The following EPB41L4B variants were observed in gnomAD, a reference collection of about 807,000 sequenced individuals.
EPB41L4B encodes the protein erythrocyte membrane protein band 4.1 like 4B.
Under a neutral mutation model 112.5 loss-of-function variants are expected in EPB41L4B, and 30 were observed. That is an observed-to-expected ratio of 0.27 (90% CI 0.20 to 0.36). The LOEUF is 0.36. EPB41L4B is among the 10% of genes least tolerant of loss of function. The pLI is 1.00. For synonymous variants in EPB41L4B, 408 were observed against 439.7 expected (o/e 0.93, Z 0.90); for missense variants, 1,024 against 1,133.3 (o/e 0.90, Z 1.38).
intron 24 of EPB41L4B, among the ~76,000 whole-genome samples, chr9:109,177,286 A>C (rs1218602180): frequency 6.6e-6 from 1 of 152,082 alleles, no homozygotes; most frequent in Non-Finnish European, 1.5e-5. Flanking sequence ...AACTTGGTAA[A>C]AATGCAAATT....
chr9:109,298,241 A>C (rs745978462), intron 1 of EPB41L4B, among the ~76,000 whole-genome samples: 6 of 152,044 alleles, frequency 3.9e-5, no homozygotes, highest in Non-Finnish European at 8.8e-5. Flanking sequence ...AATCTTGACT[A>C]TAAGTTCACC....
Position 109,178,902 on chromosome 9 carries a change from T to TAAAAAAAAAAAAAAAAAA in EPB41L4B, c.2488-2207_2488-2206insTTTTTTTTTTTTTTTTTT, listed in dbSNP as rs10625718. ...GTTCTTGATTGCCATATACTTCAAGTAAAAAAAAAAAAAAAAAGCCAGTTT... is the reference window on the plus strand; with the variant it reads ...GTTCTTGATTGCCATATACTTCAAGTAAAAAAAAAAAAAAAAAAAAAAAAAAAAAAAAAAAGCCAGTTT... On this transcript the variant is annotated intron_variant, in intron 24 of 25. Transcript: ENST00000374566. Among the ~76,000 whole-genome samples, 3 of 105,134 alleles carry TAAAAAAAAAAAAAAAAAA rather than the reference T, an allele frequency of 2.9e-5. 1 individual carries two copies. The highest frequency in any genetic ancestry group is 1.1e-4 in the Admixed American group (1 of 8,706). The allele number at this position is 105,134 out of a possible 152,430, so 69.0% of individuals were successfully genotyped here. A position where few individuals can be genotyped will look rare whatever the true frequency, so the allele number is the denominator to read the frequency against.
chr9:109,232,312 T>C (rs917481924), intron 15 of EPB41L4B, among the ~76,000 whole-genome samples: 1 of 132,396 alleles, frequency 7.6e-6, no homozygotes, highest in African/African-American at 3.7e-5. Context: ...TTCTTACAGA[T>C]TTTTTTTTTT....
intron 1 of EPB41L4B, among the ~76,000 whole-genome samples, chr9:109,304,991 A>G (rs1298926559): frequency 6.6e-6 from 1 of 152,090 alleles, no homozygotes; most frequent in Non-Finnish European, 1.5e-5. Flanking sequence ...AGCGTACTAA[A>G]TGTCACTAAT....
chr9:109,255,355 A>G (rs1196767547), intron 11 of EPB41L4B, among the ~76,000 whole-genome samples, 156 bp downstream of exon 11: 4 of 152,242 alleles, frequency 2.6e-5, no homozygotes, highest in African/African-American at 7.2e-5. Flanking sequence ...GGTGGGGGTC[A>G]AAAGAGCTTC....
chr9:109,315,976 C>T (rs775915851), intron 1 of EPB41L4B, among the ~76,000 whole-genome samples: 59 of 151,946 alleles, frequency 3.9e-4, no homozygotes, highest in Non-Finnish European at 6.3e-4. Context: ...TCAAATCTTT[C>T]CAAAGTTCAA....
intron 22 of EPB41L4B, among the ~76,000 whole-genome samples, chr9:109,187,303 T>C (rs1287608791): frequency 2.6e-5 from 4 of 152,162 alleles, no homozygotes; most frequent in Admixed American, 6.5e-5. Context: ...CTCTTTACAA[T>C]TGTGCAGTCC....
intron 20 of EPB41L4B, among the ~76,000 whole-genome samples, chr9:109,199,645 C>T (rs1307492344): frequency 1.3e-5 from 2 of 152,070 alleles, no homozygotes; most frequent in Non-Finnish European, 1.5e-5. Context: ...CCAGCCTGAG[C>T]GACAGAGCAA....
chr9:109,246,654 T>A (rs1414717631), intron 14 of EPB41L4B, among the ~76,000 whole-genome samples: 1 of 152,222 alleles, frequency 6.6e-6, no homozygotes, highest in Non-Finnish European at 1.5e-5. Context: ...GGTACAAGGC[T>A]GTGAATGGCC....
chr9:109,246,642 G>T (rs771219123), intron 14 of EPB41L4B, among the ~76,000 whole-genome samples: 2 of 152,236 alleles, frequency 1.3e-5, no homozygotes, highest in Non-Finnish European at 2.9e-5. Flanking sequence ...TTGGAACCAG[G>T]TGGTACAAGG....
At chr9:109,217,954 G>A (rs4483229) in intron 15 of EPB41L4B, among the ~76,000 whole-genome samples, 21,564 of 150,798 alleles carry the variant, frequency 0.14, 1,842 homozygotes, top group South Asian at 0.34. Flanking sequence ...TTTGAAGGCC[G>A]TGTCATCTCC....
chr9:109,247,757 T>G lies in EPB41L4B; in HGVS notation c.1343A>C (p.Gln448Pro). The stretch of plus-strand genomic sequence containing the variant: ...AAACCTTTAAAAGCAGTATCTTACC[T>G]GGTAATTATGGACTTCTGGATTTGT... ...SKTNPEVHNY[Q>P]PQYHPNIHPS... The change falls in exon 14 of 26, where the codon CAG (glutamine) becomes CCG (proline). Residue 448 changes from glutamine to proline, a missense_variant and splice_region_variant. Transcript: ENST00000374566. 6.7e-7 allele frequency: 1 copy of G among 1,489,650 alleles called. No homozygotes were observed. 92.3% of individuals were successfully genotyped at this position (1,489,650 alleles called of 1,614,324 possible).
chr9:109,300,336 G>C (rs1012471873), intron 1 of EPB41L4B: 1 of 152,084 alleles, frequency 6.6e-6, no homozygotes, highest in Non-Finnish European at 1.5e-5. Flanking sequence ...GGGAGTTTGA[G>C]GGAGACTCAA....
At chr9:109,217,218 G>T in intron 15 of EPB41L4B, 73 bp from the exon 16 acceptor site, 1 of 1,369,068 alleles carries the variant, frequency 7.3e-7, no homozygotes, top group Non-Finnish European at 1.0e-6. Context: ...TTTCAAAGAC[G>T]TTTTCTAGGC....
chr9:109,297,203 G>C (rs558204449), intron 1 of EPB41L4B, among the ~76,000 whole-genome samples: 9 of 140,400 alleles, frequency 6.4e-5, no homozygotes, highest in African/African-American at 2.1e-4. Context: ...CTGGGGGGGT[G>C]GGGGGGGATC....
chr9:109,245,263 T>C (rs530306274), intron 14 of EPB41L4B, among the ~76,000 whole-genome samples: 1 of 152,286 alleles, frequency 6.6e-6, no homozygotes, highest in African/African-American at 2.4e-5. Flanking sequence ...TGTTCAACAA[T>C]AGAGAAAGGC....
At chr9:109,255,897 C>T (rs564891185) in intron 9 of EPB41L4B, 54 bp from the exon 10 acceptor site, 15 of 1,465,788 alleles carry the variant, frequency 1.0e-5, no homozygotes, top group African/African-American at 8.5e-5. Context: ...ACTATCTACA[C>T]ATCAAATAGC....
chr9:109,293,594 G>A (rs925350321), intron 1 of EPB41L4B, among the ~76,000 whole-genome samples: 44 of 150,594 alleles, frequency 2.9e-4, no homozygotes, highest in Admixed American at 2.6e-4. Context: ...ATGTCAGCCA[G>A]GCTGGTCTCC....
At chr9:109,244,382 G>A (rs1476157727) in intron 14 of EPB41L4B, among the ~76,000 whole-genome samples, 3 of 142,338 alleles carry the variant, frequency 2.1e-5, no homozygotes, top group East Asian at 4.5e-4. Context: ...AGAAAAAGAA[G>A]GGAAGGGAAG....
Sources: gnomAD v4.1 joint callset for allele counts (sites outside exome capture counted in the v4.1 genomes callset) on GRCh38, gnomAD v4.1.1 for gene constraint, MANE v1.5 for transcripts, NCBI Gene and HGNC (gene_info 2026-07-23, HGNC 2026-07-21) for gene names.